CNTN5: variants seen among roughly 807,000 people sequenced by gnomAD.
CNTN5 encodes contactin 5.
In CNTN5, 77 loss-of-function variants were observed where a neutral mutation model predicts 129.1. The ratio of observed to expected loss-of-function variants is 0.60; its 90% CI spans 0.50 to 0.72. The LOEUF (loss-of-function observed/expected upper bound fraction) is 0.72. CNTN5 is among the 30% of genes least tolerant of loss of function. The pLI is 0.00. For synonymous variants in CNTN5, 509 were observed against 465.6 expected (o/e 1.09, Z -1.20); for missense variants, 1,478 against 1,328.8 (o/e 1.11, Z -1.75).
At chr11:99,868,077 G>A (rs560114976) in intron 6 of CNTN5, among the ~76,000 whole-genome samples, 7 of 152,172 alleles carry the variant, frequency 4.6e-5, no homozygotes, top group South Asian at 2.1e-4. Context: ...TTAGCTGGGC[G>A]TGGTGGCATA....
intron 8 of CNTN5, among the ~76,000 whole-genome samples, chr11:99,963,548 T>G (rs1297855092): frequency 6.6e-6 from 1 of 152,226 alleles, no homozygotes. Context: ...CCATGCTGTT[T>G]TGGTTACTGT....
intron 1 of CNTN5, among the ~76,000 whole-genome samples, chr11:99,210,061 A>G (rs1457001677): frequency 1.3e-5 from 2 of 152,318 alleles, no homozygotes; most frequent in East Asian, 3.9e-4. Flanking sequence ...AACCTCTTCA[A>G]TCCTTCAGAA....
intron 6 of CNTN5, among the ~76,000 whole-genome samples, chr11:99,885,040 TG>T (rs960405852): frequency 1.3e-5 from 2 of 152,034 alleles, no homozygotes; most frequent in African/African-American, 4.8e-5. Context: ...GACAGCACTC[TG>T]GGGGGGTGAG....
intron 4 of CNTN5, among the ~76,000 whole-genome samples, chr11:99,839,757 C>T (rs1398954683): frequency 6.6e-6 from 1 of 151,900 alleles, no homozygotes; most frequent in African/African-American, 2.4e-5. Flanking sequence ...AGTTGAAACT[C>T]TTAGTAGTAG....
At chr11:100,219,670 C>A (rs1565350735) in intron 15 of CNTN5, among the ~76,000 whole-genome samples, 1 of 152,104 alleles carries the variant, frequency 6.6e-6, no homozygotes. Flanking sequence ...ATCAAGATCC[C>A]AGTCTTGGGA....
intron 21 of CNTN5, among the ~76,000 whole-genome samples, chr11:100,333,015 C>T (rs1477340808): frequency 6.6e-6 from 1 of 151,948 alleles, no homozygotes; most frequent in East Asian, 1.9e-4. Context: ...TCACTGTTTG[C>T]TGATGATATG....
intron 4 of CNTN5, among the ~76,000 whole-genome samples, chr11:99,839,321 T>C (rs377148696): frequency 2.0e-5 from 3 of 152,254 alleles, no homozygotes; most frequent in East Asian, 3.9e-4. Flanking sequence ...AATAATCGGG[T>C]GAAGTCTGTG....
chr11:99,032,840 T>C (rs9666639), intron 1 of CNTN5, among the ~76,000 whole-genome samples: 35,141 of 131,264 alleles, frequency 0.27, 5,698 homozygotes, highest in East Asian at 0.49. Context: ...GAAGTCCTTG[T>C]CCATGCCTAT....
At chr11:99,626,018 A>G (rs1951119248) in intron 3 of CNTN5, among the ~76,000 whole-genome samples, 1 of 151,992 alleles carries the variant, frequency 6.6e-6, no homozygotes, top group Non-Finnish European at 1.5e-5. Flanking sequence ...GGAAATATGT[A>G]AAATGGGAGC....
chr11:100,282,911 C>G (rs1950671556), intron 18 of CNTN5, among the ~76,000 whole-genome samples: 1 of 152,164 alleles, frequency 6.6e-6, no homozygotes, highest in Non-Finnish European at 1.5e-5. Flanking sequence ...TGCCAGTGTT[C>G]CCTTAAGGCC....
intron 13 of CNTN5, among the ~76,000 whole-genome samples, chr11:100,132,665 C>G (rs1419020522): frequency 6.6e-6 from 1 of 152,072 alleles, no homozygotes; most frequent in Admixed American, 6.6e-5. Flanking sequence ...TATCATGTGA[C>G]ATTATAGTTA....
chr11:100,249,000 T>C (rs1317511255), intron 16 of CNTN5, among the ~76,000 whole-genome samples: 2 of 152,190 alleles, frequency 1.3e-5, no homozygotes, highest in African/African-American at 4.8e-5. Context: ...AAGAAGACTC[T>C]TTTTGCCTCT....
At chr11:99,134,678 T>C (rs1299647694) in intron 1 of CNTN5, among the ~76,000 whole-genome samples, 2 of 148,986 alleles carry the variant, frequency 1.3e-5, no homozygotes, top group African/African-American at 2.4e-5. Flanking sequence ...TGATGAGTTA[T>C]AGGTAAATTA....
chr11:99,963,987 C>G (rs963235695), intron 8 of CNTN5, among the ~76,000 whole-genome samples: 2 of 152,152 alleles, frequency 1.3e-5, no homozygotes. Flanking sequence ...AAGAATGCTT[C>G]TGATTTTTGC....
intron 1 of CNTN5, among the ~76,000 whole-genome samples, chr11:99,160,185 T>C (rs572472719): frequency 6.6e-6 from 1 of 152,300 alleles, no homozygotes; most frequent in East Asian, 1.9e-4. Context: ...TGGGCTAGCT[T>C]AAGAAATAAA....
At chr11:99,706,070 T>C (rs969724300) in intron 3 of CNTN5, among the ~76,000 whole-genome samples, 15 of 151,506 alleles carry the variant, frequency 9.9e-5, no homozygotes, top group African/African-American at 2.9e-4. Context: ...TGTTGGCTTA[T>C]GGGGATTAAC....
intron 17 of CNTN5, among the ~76,000 whole-genome samples, chr11:100,266,540 A>T (rs933476851): frequency 7.2e-4 from 109 of 152,018 alleles, no homozygotes; most frequent in African/African-American, 1.9e-3. Context: ...ATATTGCATT[A>T]TATTTCACCA....
chr11:99,551,111 G>T (rs1948465817), intron 2 of CNTN5, among the ~76,000 whole-genome samples: 1 of 152,098 alleles, frequency 6.6e-6, no homozygotes, highest in African/African-American at 2.4e-5. Context: ...ATTTAAAGTT[G>T]TATATGATGC....
intron 2 of CNTN5, among the ~76,000 whole-genome samples, chr11:99,478,479 C>A (rs2135302259): frequency 6.6e-6 from 1 of 152,106 alleles, no homozygotes; most frequent in South Asian, 2.1e-4. Flanking sequence ...TATTATTTTG[C>A]CTAGAAATAA....
Sources: allele counts gnomAD v4.1 joint callset (sites outside exome capture counted in the v4.1 genomes callset), GRCh38; gene constraint gnomAD v4.1.1; transcripts MANE v1.5; gene names NCBI Gene and HGNC (gene_info 2026-07-23, HGNC 2026-07-21).